Variants in GPC6 observed in about 807,000 individuals in gnomAD.
GPC6 encodes the protein glypican 6, also known as glypican-6.
A neutral mutation model predicts 55.2 loss-of-function variants in GPC6; 14 were observed. The observed-to-expected ratio is 0.25, with a 90% CI of 0.17 to 0.40. The LOEUF (loss-of-function observed/expected upper bound fraction) is 0.40, where lower values mean the gene tolerates loss of function less well. GPC6 is among the 10% of genes least tolerant of loss of function. The probability of loss-of-function intolerance (pLI) is 1.00; values close to 1 mark genes in which losing one functional copy is unlikely to be tolerated. For missense variants in GPC6, 641 were observed against 708.5 expected (o/e 0.90, Z 1.08); for synonymous variants, 278 against 259.6 (o/e 1.07, Z -0.68).
At chr13:93,362,237 T>A (rs971226270) in intron 1 of GPC6, among the ~76,000 whole-genome samples, 1 of 152,180 alleles carries the variant, frequency 6.6e-6, no homozygotes, top group African/African-American at 2.4e-5. Context: ...CTCTGCCCAG[T>A]TCTTCCTGGA....
intron 1 of GPC6, among the ~76,000 whole-genome samples, chr13:93,270,347 A>G (rs1327682646): frequency 6.6e-6 from 1 of 151,942 alleles, no homozygotes; most frequent in East Asian, 1.9e-4. Flanking sequence ...AGGTTTAAAT[A>G]TATGAGTTTA....
At chr13:93,853,704 A>G (rs1888498732) in intron 3 of GPC6, among the ~76,000 whole-genome samples, 1 of 151,694 alleles carries the variant, frequency 6.6e-6, no homozygotes, top group Admixed American at 6.6e-5. Context: ...TAGTTGATCA[A>G]ATTCAAACTG....
intron 4 of GPC6, among the ~76,000 whole-genome samples, chr13:94,250,773 G>A (rs1043257939): frequency 3.3e-5 from 5 of 152,194 alleles, no homozygotes; most frequent in Middle Eastern, 3.4e-3. Flanking sequence ...AAGATTGGCC[G>A]TGAGTGGGTA....
intron 2 of GPC6, among the ~76,000 whole-genome samples, chr13:93,599,232 A>G (rs1281452994): frequency 6.6e-6 from 1 of 151,476 alleles, no homozygotes; most frequent in East Asian, 1.9e-4. Context: ...TACATATTTT[A>G]TTGATTTTTC....
rs556272588 is a variant in GPC6 at position 94,373,006 on chromosome 13, A to G, written c.1153-9408A>G. 3.5e-3 allele frequency among the ~76,000 whole-genome samples: 540 copies of G among 152,272 alleles called. 1 individual carries two copies. Among genetic ancestry groups the G allele is most frequent in the South Asian group, 8.9e-3 (43 of 4,822 alleles). The stretch of plus-strand genomic sequence containing the variant: ...CAACAGACCTGCAGCTGAGGGTCCT[A>G]TCTGTTAGAAGGAAAACTAAAAAAC... On this transcript the variant is annotated intron_variant, in intron 6 of 8. Transcript: ENST00000377047.
chr13:94,247,768 AT>A (rs1337437437), intron 4 of GPC6, among the ~76,000 whole-genome samples: 1 of 152,036 alleles, frequency 6.6e-6, no homozygotes, highest in Non-Finnish European at 1.5e-5. Context: ...TGTAATGAGA[AT>A]TTTTGTATCA....
At chr13:93,894,942 T>A (rs1320341111) in intron 3 of GPC6, among the ~76,000 whole-genome samples, 1 of 151,758 alleles carries the variant, frequency 6.6e-6, no homozygotes, top group Non-Finnish European at 1.5e-5. Context: ...TCTCAACCAT[T>A]TTTTAGTAAC....
intron 2 of GPC6, among the ~76,000 whole-genome samples, chr13:93,770,717 G>T (rs1226963644): frequency 6.6e-6 from 1 of 152,084 alleles, no homozygotes; most frequent in Non-Finnish European, 1.5e-5. Context: ...ACTGCTTTTT[G>T]AAATTTGCTT....
Position 93,900,809 on chromosome 13 carries a change from TA to T in GPC6, c.711+70270del, listed in dbSNP as rs773030472. 2.8e-4 allele frequency among the ~76,000 whole-genome samples: 42 copies of T among 152,134 alleles called. 1 individual carries two copies. The highest frequency in any genetic ancestry group is 2.6e-4 in the Non-Finnish European group (18 of 67,960). On this transcript the variant is annotated intron_variant, in intron 3 of 8. Coordinates refer to ENST00000377047, the MANE Select transcript of GPC6 (RefSeq NM_005708.5). ...TAAAGATGATGTGTGAAAAAATAAA[TA>T]AAAAATTTTAAAAATTCACTGTAAG...
At chr13:93,784,317 T>G (rs1263346081) in intron 2 of GPC6, among the ~76,000 whole-genome samples, 1 of 152,218 alleles carries the variant, frequency 6.6e-6, no homozygotes, top group East Asian at 1.9e-4. Flanking sequence ...CTGTAGTTAC[T>G]GGATCAGAAC....
chr13:94,035,322 G>GC (rs11443057), intron 4 of GPC6, among the ~76,000 whole-genome samples: 120,345 of 151,882 alleles, frequency 0.79, 48,515 homozygotes, highest in Middle Eastern at 0.9. Context: ...ATTCCAGAAG[G>GC]CCAGAAACCC....
chr13:93,315,759 A>C (rs1337151316), intron 1 of GPC6, among the ~76,000 whole-genome samples: 1 of 150,480 alleles, frequency 6.6e-6, no homozygotes, highest in Non-Finnish European at 1.5e-5. Flanking sequence ...GTTTTCTTCA[A>C]TTTTTTTTTA....
At chr13:93,486,298 G>A (rs897758651) in intron 1 of GPC6, among the ~76,000 whole-genome samples, 2 of 152,112 alleles carry the variant, frequency 1.3e-5, no homozygotes, top group Non-Finnish European at 2.9e-5. Context: ...AATTATACAT[G>A]ACAAGGAAGA....
At chr13:94,322,114 A>C (rs1876858627) in intron 6 of GPC6, among the ~76,000 whole-genome samples, 1 of 152,190 alleles carries the variant, frequency 6.6e-6, no homozygotes, top group Non-Finnish European at 1.5e-5. Flanking sequence ...GGTGAGAGAT[A>C]ATTGAATCAT....
At chr13:93,226,353 A>C (rs1182701401), upstream of GPC6, among the ~76,000 whole-genome samples, 1 of 152,194 alleles carries the variant, frequency 6.6e-6, no homozygotes, top group African/African-American at 2.4e-5. Flanking sequence ...TTGAGTCTAG[A>C]ACCAAACCTT....
At chr13:93,985,160 C>T (rs1232826182) in intron 3 of GPC6, among the ~76,000 whole-genome samples, 3 of 152,072 alleles carry the variant, frequency 2.0e-5, no homozygotes, top group East Asian at 3.9e-4. Flanking sequence ...CAGGGCCAGG[C>T]GCAGGGGCTC....
chr13:93,754,226 T>G (rs1884694077), intron 2 of GPC6, among the ~76,000 whole-genome samples: 1 of 152,238 alleles, frequency 6.6e-6, no homozygotes, highest in African/African-American at 2.4e-5. Context: ...TCAATTAAAC[T>G]GGAGATATTT....
At chr13:94,262,581 G>A (rs1219707407) in intron 4 of GPC6, among the ~76,000 whole-genome samples, 5 of 151,478 alleles carry the variant, frequency 3.3e-5, no homozygotes, top group Non-Finnish European at 5.9e-5. Context: ...GCTGAGGCAG[G>A]AGAATCACTT....
chr13:93,268,425 C>T (rs1159171002), intron 1 of GPC6, among the ~76,000 whole-genome samples: 1 of 152,020 alleles, frequency 6.6e-6, no homozygotes, highest in Non-Finnish European at 1.5e-5. Context: ...ATTTGAGTAC[C>T]CGGTCAGTGA....
Sources: allele counts gnomAD v4.1 joint callset (sites outside exome capture counted in the v4.1 genomes callset), GRCh38; gene constraint gnomAD v4.1.1; transcripts MANE v1.5; gene names NCBI Gene and HGNC (gene_info 2026-07-23, HGNC 2026-07-21).